Variants in FSD1 observed in about 807,000 individuals in gnomAD.
FSD1 encodes the protein fibronectin type III and SPRY domain-containing protein 1.
Under a neutral mutation model 58.2 loss-of-function variants are expected in FSD1, and 23 were observed. The ratio of observed to expected loss-of-function variants is 0.40; its 90% confidence interval spans 0.28 to 0.56. The LOEUF is 0.56. FSD1 is among the 20% of genes least tolerant of loss of function. FSD1 has a pLI of 0.54. For missense variants in FSD1, 563 were observed against 670.8 expected (o/e 0.84, Z 1.78); for synonymous variants, 265 against 263.4 (o/e 1.01, Z -0.06).
At chr19:4,319,101 A>C in intron 10 of FSD1, 150 bp downstream of exon 10, 4 of 660,362 alleles carry the variant, frequency 6.1e-6, no homozygotes, top group Non-Finnish European at 5.5e-6. Context: ...GCACTGCCCA[A>C]ATGGAAATAT....
At chr19:4,317,303 C>T in intron 8 of FSD1, 23 bp downstream of exon 8, 1 of 1,324,066 alleles carries the variant, frequency 7.6e-7, no homozygotes, top group Non-Finnish European at 1.1e-6. Flanking sequence ...CACCCTTGTC[C>T]TACCCCTAAC....
intron 6 of FSD1, 163 bp downstream of exon 6, chr19:4,310,759 C>A: frequency 2.8e-6 from 2 of 718,566 alleles, no homozygotes; most frequent in South Asian, 1.9e-5. Context: ...GGGTGGAGTT[C>A]TCATGGAGCC....
At chr19:4,306,100 A>T (rs1475762783) in intron 2 of FSD1, 59 bp downstream of exon 2, 1 of 1,606,012 alleles carries the variant, frequency 6.2e-7, no homozygotes, top group South Asian at 1.1e-5. Context: ...TGGAGGGTGC[A>T]GCCTTAGGAA....
chr19:4,316,408 A>G (rs1418288109), intron 7 of FSD1, among the ~76,000 whole-genome samples: 1 of 149,404 alleles, frequency 6.7e-6, no homozygotes, highest in Non-Finnish European at 1.5e-5. Context: ...TTTAGTAGAG[A>G]TGCGGTTTCA....
chr19:4,308,028 C>G (rs2144755799), intron 4 of FSD1, 45 bp downstream of exon 4: 1 of 1,462,438 alleles, frequency 6.8e-7, no homozygotes, highest in Non-Finnish European at 9.5e-7. Flanking sequence ...TGTGCCCAGT[C>G]ACGTTTGCAT....
At chr19:4,308,701 CAAAT>C (rs1369961062) in intron 4 of FSD1, among the ~76,000 whole-genome samples, 2 of 151,876 alleles carry the variant, frequency 1.3e-5, no homozygotes, top group Non-Finnish European at 2.9e-5. Flanking sequence ...AAAAAAAATA[CAAAT>C]AAATTAGCCG....
rs1971621804 is a variant in FSD1, at chr19:4,306,335, G to A, written c.243+6G>A. On this transcript the variant is annotated splice_donor_region_variant and intron_variant, in intron 3 of 12. Transcript: ENST00000221856. The stretch of plus-strand genomic sequence containing the variant: ...GCCGTACCTACGAGCTGCAGGTGAG[G>A]GCTGAGGGCATCTTCCTCTCCCCCC... 1 of 1,613,326 alleles carries A rather than the reference G, an allele frequency of 6.2e-7. No individual in the cohort carries two copies. The highest frequency in any genetic ancestry group is 8.5e-7 in the Non-Finnish European group (1 of 1,179,860).
At chr19:4,307,460 C>A (rs1223363430) in intron 3 of FSD1, among the ~76,000 whole-genome samples, 1 of 152,052 alleles carries the variant, frequency 6.6e-6, no homozygotes, top group Non-Finnish European at 1.5e-5. Context: ...CTCCGCCTCC[C>A]GGGTTCAAGT....
In FSD1 at chr19:4,310,180, T is replaced by C. The variant is rs1971672505; in HGVS notation, c.346-93T>C. The C allele has an allele frequency of 2.8e-6, 4 of 1,406,578 alleles. No homozygotes were observed. In the South Asian group the frequency reaches 4.6e-5, roughly 16 times the overall value. 87.1% of individuals were successfully genotyped at this position (1,406,578 alleles called of 1,614,324 possible). On this transcript the variant is annotated intron_variant, in intron 4 of 12. Transcript: ENST00000221856. ...GTGGAGGTTGCAGTGAGCCGAGATC[T>C]CTCCACTGCAATCCAGCCTGGGCAA...
intron 3 of FSD1, 133 bp downstream of exon 3, chr19:4,306,462 T>G: frequency 1.3e-6 from 1 of 777,770 alleles, no homozygotes. Flanking sequence ...CATCCACCTG[T>G]ACACTCTCTC....
At chr19:4,315,553 C>A (rs892579776) in intron 7 of FSD1, among the ~76,000 whole-genome samples, 3 of 150,668 alleles carry the variant, frequency 2.0e-5, no homozygotes, top group Non-Finnish European at 1.5e-5. Context: ...TGTGATCCGC[C>A]TCCGTCGGCC....
chr19:4,311,864 C>A lies in FSD1; in HGVS notation c.513C>A (p.Asp171Glu). 6.2e-7 allele frequency: 1 copy of A among 1,614,180 alleles called. No homozygotes were observed. Among genetic ancestry groups the A allele is most frequent in the Non-Finnish European group, 8.5e-7 (1 of 1,180,018 alleles). The change falls in exon 7 of 13, where the codon GAC becomes GAA. Residue 171 changes from aspartate to glutamate, a missense_variant. By Grantham distance (45) the Asp-to-Glu change is conservative. Coordinates refer to ENST00000221856, the MANE Select transcript of FSD1 (RefSeq NM_024333.3). ...FLPVPSAPVI[D>E]LAESLVADNC... ...CAGTGCCCAGCGCACCCGTGATCGA[C>A]CTGGCTGAGTCCCTGGTGGCAGATA... is the stretch of plus-strand genomic sequence containing the variant.
At chr19:4,310,381 G>C (rs1412378831) in intron 5 of FSD1, 86 bp downstream of exon 5, 2 of 1,610,076 alleles carry the variant, frequency 1.2e-6, no homozygotes, top group African/African-American at 2.7e-5. Flanking sequence ...TCTCATCTCA[G>C]AGCCCTGGAC....
rs199652161 is a variant in FSD1 at position 4,310,457 on chromosome 19, G to A, written c.369-18G>A. Reference sequence around the variant, plus strand: ...AGGCCTGGTCCCCCACGCAACGCCTGCCACCTCCTTCCTGCAGAGTGACCA... The same window carrying A: ...AGGCCTGGTCCCCCACGCAACGCCTACCACCTCCTTCCTGCAGAGTGACCA... On this transcript the variant is annotated intron_variant, in intron 5 of 12. Coordinates refer to ENST00000221856, the MANE Select transcript of FSD1 (RefSeq NM_024333.3). The A allele has an allele frequency of 6.7e-4, 1,071 of 1,607,970 alleles. 1 individual carries two copies. Among genetic ancestry groups the A allele is most frequent in the African/African-American group, 1.1e-3 (85 of 74,958 alleles).
intron 7 of FSD1, among the ~76,000 whole-genome samples, chr19:4,313,409 G>T (rs1971717044): frequency 6.9e-6 from 1 of 145,424 alleles, no homozygotes; most frequent in Non-Finnish European, 1.5e-5. Flanking sequence ...AGCTGGTGGA[G>T]GTAGGGTCTG....
At chr19:4,317,704 G>C (rs1200246796) in intron 8 of FSD1, among the ~76,000 whole-genome samples, 3 of 152,198 alleles carry the variant, frequency 2.0e-5, no homozygotes, top group Admixed American at 1.3e-4. Flanking sequence ...TGGAAGCACA[G>C]GGTAGTGCAA....
chr19:4,304,650 T>C lies in FSD1; in HGVS notation c.-97T>C, dbSNP rs886950948. On this transcript the variant is annotated 5_prime_UTR_variant, in exon 1 of 13. Coordinates refer to ENST00000221856, the MANE Select transcript of FSD1 (RefSeq NM_024333.3). ...CCGGGGGCGCGGCGGCGGCGAGGGC[T>C]CGGCGGGCCATTGGCTACCGGCCGC... 2.7e-6 allele frequency: 2 copies of C among 728,080 alleles called. No homozygotes were observed. Among genetic ancestry groups the C allele is most frequent in the Non-Finnish European group, 3.8e-6 (2 of 530,530 alleles). 45.1% of individuals were successfully genotyped at this position (728,080 alleles called of 1,614,324 possible).
intron 7 of FSD1, among the ~76,000 whole-genome samples, chr19:4,314,255 C>T (rs771462625): frequency 3.3e-5 from 5 of 152,190 alleles, no homozygotes; most frequent in Non-Finnish European, 5.9e-5. Flanking sequence ...TTATCCTTTG[C>T]TTGAGAATCA....
Position 4,323,338 on chromosome 19 carries a change from C to G in FSD1, c.1292-10C>G. On this transcript the variant is annotated splice_polypyrimidine_tract_variant and intron_variant, in intron 11 of 12. Transcript: ENST00000221856. The surrounding 1 kb of genome is among the most constrained non-coding windows in gnomAD (Gnocchi z 7.7). ...ACCGGTCCCACTGTCACTCTGCCCCCCGACCCCAGGCCTCCTGTCCTTCTA... is the reference window on the plus strand; with the variant it reads ...ACCGGTCCCACTGTCACTCTGCCCCGCGACCCCAGGCCTCCTGTCCTTCTA... The G allele has an allele frequency of 6.2e-7, 1 of 1,613,254 alleles. No homozygotes were observed. The highest frequency in any genetic ancestry group is 8.5e-7 in the Non-Finnish European group (1 of 1,179,514).
Sources: allele counts gnomAD v4.1 joint callset (sites outside exome capture counted in the v4.1 genomes callset), GRCh38; gene constraint gnomAD v4.1.1; non-coding constraint Gnocchi (gnomAD v3.1); transcripts MANE v1.5; gene names NCBI Gene and HGNC (gene_info 2026-07-23, HGNC 2026-07-21).